Variants in TAFA1 observed in about 807,000 individuals in gnomAD.
The protein encoded by TAFA1 is TAFA chemokine like family member 1, also known as chemokine-like protein TAFA-1.
A neutral mutation model predicts 18.5 loss-of-function variants in TAFA1; 4 were observed. The observed-to-expected ratio is 0.22, with a 90% CI of 0.11 to 0.49. The LOEUF (loss-of-function observed/expected upper bound fraction) is 0.49, where lower values mean the gene tolerates loss of function less well. Among genes scored for constraint, TAFA1 ranks in the 20% least tolerant of loss-of-function variants. The pLI is 0.98. For synonymous variants in TAFA1, 56 were observed against 55.2 expected (o/e 1.01, Z -0.06); for missense variants, 147 against 169.0 (o/e 0.87, Z 0.72).
At chr3:68,288,990 G>A (rs2068064909) in intron 2 of TAFA1, among the ~76,000 whole-genome samples, 1 of 152,150 alleles carries the variant, frequency 6.6e-6, no homozygotes, top group Non-Finnish European at 1.5e-5. Flanking sequence ...CTCATGTCTT[G>A]AAGTATTTGG....
intron 2 of TAFA1, among the ~76,000 whole-genome samples, chr3:68,211,258 C>T (rs1392415151): frequency 1.3e-5 from 2 of 151,978 alleles, no homozygotes; most frequent in East Asian, 3.9e-4. Context: ...ATCACTGGTG[C>T]CCATCTTGGA....
intron 3 of TAFA1, among the ~76,000 whole-genome samples, chr3:68,437,251 G>T (rs556508287): frequency 2.6e-5 from 4 of 151,674 alleles, no homozygotes; most frequent in Admixed American, 2.6e-4. Flanking sequence ...CCAGGCTGTT[G>T]CTTAATAGCA....
At chr3:68,270,191 C>A (rs1258092197) in intron 2 of TAFA1, among the ~76,000 whole-genome samples, 1 of 152,166 alleles carries the variant, frequency 6.6e-6, no homozygotes, top group African/African-American at 2.4e-5. Flanking sequence ...GATTGCGCCA[C>A]TGGAGCTCCA....
chr3:68,323,193 C>T (rs576424402), intron 2 of TAFA1, among the ~76,000 whole-genome samples: 1 of 152,328 alleles, frequency 6.6e-6, no homozygotes, highest in South Asian at 2.1e-4. Context: ...GCCCTAGACC[C>T]AGGCGAACTA....
rs530043393 is a variant in TAFA1, at chr3:68,483,001, G to A, written c.260-55755G>A. Among the ~76,000 whole-genome samples the A allele has an allele frequency of 5.3e-5, 8 of 152,326 alleles. No individual in the cohort carries two copies. In the Middle Eastern group the frequency reaches 0.014, roughly 259 times the overall value. ...TCTTAAGCCAGTTGGGGTCAGTTCT[G>A]TTGTTTCTTGCAATCAACATAGGTC... On this transcript the variant is annotated intron_variant, in intron 3 of 4. Coordinates refer to ENST00000478136, the MANE Select transcript of TAFA1 (RefSeq NM_213609.4).
At chr3:68,392,534 C>A (rs912937451) in intron 2 of TAFA1, among the ~76,000 whole-genome samples, 2 of 152,160 alleles carry the variant, frequency 1.3e-5, no homozygotes, top group African/African-American at 4.8e-5. Context: ...GCAGAACCCT[C>A]CATCTCAAAT....
chr3:68,457,572 T>C (rs980513105), intron 3 of TAFA1, among the ~76,000 whole-genome samples: 29 of 152,002 alleles, frequency 1.9e-4, no homozygotes, highest in Admixed American at 6.6e-5. Flanking sequence ...ACATGTTGTT[T>C]TGAAAAACAT....
chr3:68,303,637 G>C (rs1321871950), intron 2 of TAFA1, among the ~76,000 whole-genome samples: 2 of 152,066 alleles, frequency 1.3e-5, no homozygotes, highest in Non-Finnish European at 2.9e-5. Context: ...TTTTAGTAGA[G>C]ACGGGGTTTC....
At chr3:68,537,033 G>A (rs915732651) in intron 3 of TAFA1, among the ~76,000 whole-genome samples, 2 of 152,120 alleles carry the variant, frequency 1.3e-5, no homozygotes, top group South Asian at 2.1e-4. Context: ...TAGGCTAGGC[G>A]ATAAACCCTA....
At chr3:68,052,698 A>G (rs1304898592) in intron 2 of TAFA1, among the ~76,000 whole-genome samples, 1 of 152,158 alleles carries the variant, frequency 6.6e-6, no homozygotes, top group African/African-American at 2.4e-5. Context: ...TATTGTTTCC[A>G]TTATGTGCCT....
chr3:68,475,751 G>A (rs1221539616), intron 3 of TAFA1, among the ~76,000 whole-genome samples: 1 of 150,358 alleles, frequency 6.7e-6, no homozygotes, highest in African/African-American at 2.4e-5. Flanking sequence ...TTCCACAATG[G>A]TTGAACTAGT....
chr3:68,274,547 C>G (rs918995173), intron 2 of TAFA1, among the ~76,000 whole-genome samples: 4 of 152,184 alleles, frequency 2.6e-5, no homozygotes, highest in Admixed American at 1.3e-4. Flanking sequence ...GGACAAGACA[C>G]AGCCTGCTTT....
chr3:68,528,608 T>G (rs2073142127), intron 3 of TAFA1, among the ~76,000 whole-genome samples: 1 of 152,154 alleles, frequency 6.6e-6, no homozygotes, highest in Non-Finnish European at 1.5e-5. Flanking sequence ...AGGCTGGAGA[T>G]CTGTCCCATC....
intron 2 of TAFA1, among the ~76,000 whole-genome samples, chr3:68,084,827 T>C (rs900183537): frequency 6.7e-6 from 1 of 149,036 alleles, no homozygotes; most frequent in East Asian, 2.0e-4. Flanking sequence ...AAAAACCAAA[T>C]AACAAAAAGT....
chr3:68,435,286 G>A (rs1412781530), intron 3 of TAFA1, among the ~76,000 whole-genome samples: 2 of 152,080 alleles, frequency 1.3e-5, no homozygotes, highest in Non-Finnish European at 1.5e-5. Context: ...GAAGTTCAAT[G>A]TGCCTGGGTA....
In TAFA1 at chr3:68,329,089, GT is replaced by G. The variant is rs774883725; in HGVS notation, c.119-88178del. Among the ~76,000 whole-genome samples, 744 of 120,478 alleles carry G rather than the reference GT, an allele frequency of 6.2e-3. 3 individuals carry two copies. The highest frequency in any genetic ancestry group is 9.7e-3 in the Non-Finnish European group (543 of 55,898). The allele number at this position is 120,478 out of a possible 152,430, so 79.0% of individuals were successfully genotyped here. On this transcript the variant is annotated intron_variant, in intron 2 of 4. Transcript: ENST00000478136. The stretch of plus-strand genomic sequence containing the variant: ...CAGTCTTGCTTGTGGCCACTTTTTT[GT>G]TTTTTTTTTTTTGGGACAGAGTCTC...
intron 2 of TAFA1, among the ~76,000 whole-genome samples, chr3:68,332,281 T>G (rs1308348242): frequency 6.6e-6 from 1 of 151,572 alleles, no homozygotes; most frequent in Non-Finnish European, 1.5e-5. Flanking sequence ...GGATTAAAGA[T>G]CTAAATGTAA....
At chr3:68,333,679 A>T (rs749772450) in intron 2 of TAFA1, among the ~76,000 whole-genome samples, 5 of 152,204 alleles carry the variant, frequency 3.3e-5, no homozygotes, top group Non-Finnish European at 5.9e-5. Context: ...TTGTGGTTGT[A>T]TAACCAAAGG....
intron 2 of TAFA1, among the ~76,000 whole-genome samples, chr3:68,040,271 C>T (rs1280316994): frequency 1.3e-5 from 2 of 152,170 alleles, no homozygotes; most frequent in African/African-American, 4.8e-5. Flanking sequence ...ATCGTTCAGT[C>T]ACTTGAAACT....
Sources: gnomAD v4.1 joint callset for allele counts (sites outside exome capture counted in the v4.1 genomes callset) on GRCh38, gnomAD v4.1.1 for gene constraint, MANE v1.5 for transcripts, NCBI Gene and HGNC (gene_info 2026-07-23, HGNC 2026-07-21) for gene names.